The following VPS13C variants were observed in gnomAD, a reference collection of about 807,000 sequenced individuals.
VPS13C encodes the protein intermembrane lipid transfer protein VPS13C.
In VPS13C, 358 loss-of-function variants were observed where a neutral mutation model predicts 456.8. The observed-to-expected ratio is 0.78, with a 90% CI of 0.72 to 0.86. The LOEUF is 0.86. VPS13C is among the 40% of genes least tolerant of loss of function. The pLI, the probability that VPS13C is intolerant of heterozygous loss-of-function variation, is 0.00. For missense variants in VPS13C, 4,818 were observed against 4,385.4 expected, an observed-to-expected ratio of 1.10 and a Z score of -2.79; for synonymous variants, 1,578 against 1,486.7, an observed-to-expected ratio of 1.06 and a Z score of -1.41.
intron 51 of VPS13C, among the ~76,000 whole-genome samples, 200 bp from the exon 52 acceptor site, chr15:61,927,520 A>C (rs925725466): frequency 4.6e-5 from 7 of 152,200 alleles, no homozygotes; most frequent in Non-Finnish European, 8.8e-5. Context: ...AGGCAATCTG[A>C]TCCCTGTCCC....
At position 61,907,212 on chromosome 15, in the gene VPS13C, C is replaced by T. The variant is rs147291375; in HGVS notation, c.9105+52G>A. ...GGAGTCAGTGAAGATAGCTTCTCTA[C>T]TTCCTTCACTGTCAGGTAACTCATA... On this transcript the variant is annotated intron_variant, in intron 66 of 84. Coordinates refer to ENST00000644861, the MANE Select transcript of VPS13C (RefSeq NM_020821.3). The T allele has an allele frequency of 4.6e-3, 7,332 of 1,610,948 alleles. 496 individuals are homozygous for T. The Admixed American group carries it at 0.1, about 22-fold the overall frequency.
rs549214176 is a variant in VPS13C at position 62,049,569 on chromosome 15, T to C, written c.101-5314A>G. Reference sequence around the variant, plus strand: ...CCGGCTTTGTTCTTTTGGCTTAGGATTGACTTGGCAACATGGGCTCTTTTT... The same window carrying C: ...CCGGCTTTGTTCTTTTGGCTTAGGACTGACTTGGCAACATGGGCTCTTTTT... On this transcript the variant is annotated intron_variant, in intron 1 of 84. Transcript: ENST00000644861. Among the ~76,000 whole-genome samples, 10 of 152,372 alleles carry C rather than the reference T, an allele frequency of 6.6e-5. No homozygotes were observed. In the South Asian group the frequency reaches 1.4e-3, roughly 22 times the overall value.
At chr15:61,973,801 A>G (rs1390631195) in intron 25 of VPS13C, among the ~76,000 whole-genome samples, 1 of 152,156 alleles carries the variant, frequency 6.6e-6, no homozygotes, top group African/African-American at 2.4e-5. Flanking sequence ...TTATTACTGT[A>G]TATCATTTAC....
Position 61,890,178 on chromosome 15 carries a change from T to C in VPS13C, c.9328A>G (p.Ile3110Val), listed in dbSNP as rs776084040. The stretch of plus-strand genomic sequence containing the variant: ...CTTCTTGCATACCTGGTTATCCCAA[T>C]ATAGGAAACTTCCTGCTTGCTTTCA... ...NNESKQEVSYIGITSSGVVWE... is the reference protein window; with the variant it reads ...NNESKQEVSYVGITSSGVVWE... The change falls in exon 67 of 85, where the codon ATT becomes GTT. Residue 3110 changes from isoleucine (I) to valine (V), a missense_variant. By Grantham distance (29) the Ile-to-Val change is conservative. Coordinates refer to ENST00000644861, the MANE Select transcript of VPS13C (RefSeq NM_020821.3). The C allele has an allele frequency of 6.2e-7, 1 of 1,614,024 alleles. No individual in the cohort carries two copies. Among genetic ancestry groups the C allele is most frequent in the East Asian group, 2.2e-5 (1 of 44,882 alleles).
chr15:61,907,120 C>T, intron 66 of VPS13C, 144 bp downstream of exon 66: 2 of 1,142,702 alleles, frequency 1.8e-6, no homozygotes, highest in East Asian at 2.4e-5. Context: ...CAGTATTTGC[C>T]ATCTAAAGTC....
rs141468515 is a variant in VPS13C, at chr15:61,983,831, T to C, written c.1903A>G (p.Ile635Val). The change falls in exon 20 of 85, where the codon ATC becomes GTC. Residue 635 changes from isoleucine to valine, a missense_variant. Ile to Val is a conservative substitution (Grantham distance 29, BLOSUM62 3). This residue lies in a region of VPS13C where 4,552 missense variants were observed against 4,130.6 expected (regional missense o/e 1.10). Coordinates refer to ENST00000644861, the MANE Select transcript of VPS13C (RefSeq NM_020821.3). ...CTCCTTGCACTTACAGCATCATAGA[T>C]GACCTCCACAGGCTGGGACTGAACA... is the stretch of plus-strand genomic sequence containing the variant. Reference protein sequence around the residue: ...LIVQSQPVEVIYDAKTVNAVV... With the variant: ...LIVQSQPVEVVYDAKTVNAVV... 6.8e-6 allele frequency: 11 copies of C among 1,613,892 alleles called. No homozygotes were observed. Among genetic ancestry groups the C allele is most frequent in the East Asian group, 4.5e-5 (2 of 44,848 alleles).
chr15:61,953,688 G>A (rs188869297), intron 38 of VPS13C, among the ~76,000 whole-genome samples: 83 of 152,016 alleles, frequency 5.5e-4, no homozygotes, highest in Non-Finnish European at 9.7e-4. Context: ...GAATAGTGCC[G>A]CAATAAACAT....
At chr15:61,907,412 G>A (rs749865663) in intron 65 of VPS13C, 22 bp from the exon 66 acceptor site, 5 of 1,611,194 alleles carry the variant, frequency 3.1e-6, no homozygotes, top group South Asian at 2.2e-5. Flanking sequence ...TGAACAGAGA[G>A]AAAATCAGAA....
At position 61,881,630 on chromosome 15, in the gene VPS13C, G is replaced by C. The variant is rs777079684; in HGVS notation, c.9709C>G (p.Pro3237Ala). The C allele has an allele frequency of 6.2e-7, 1 of 1,612,444 alleles. No homozygotes were observed. The highest frequency in any genetic ancestry group is 8.5e-7 in the Non-Finnish European group (1 of 1,179,208). The change falls in exon 71 of 85, where the codon CCC becomes GCC. Residue 3237 changes from proline to alanine, a missense_variant and splice_region_variant. This residue lies in a region of VPS13C where 4,552 missense variants were observed against 4,130.6 expected (regional missense o/e 1.10). Coordinates refer to ENST00000644861, the MANE Select transcript of VPS13C (RefSeq NM_020821.3). Reference sequence around the variant, plus strand: ...ACACTCACATCAATGAAAGGCTTGGGCTCTAAGAGGAAGAAGTAACACATA... The same window carrying C: ...ACACTCACATCAATGAAAGGCTTGGCCTCTAAGAGGAAGAAGTAACACATA... Reference protein sequence around the residue: ...PPKSIALDSEPKPFIDVSVIT... With the variant: ...PPKSIALDSEAKPFIDVSVIT...
At position 62,013,058 on chromosome 15, in the gene VPS13C, C is replaced by A. The variant is rs999078882; in HGVS notation, c.806G>T (p.Arg269Ile). The change falls in exon 11 of 85, where the codon AGA becomes ATA. Residue 269 changes from arginine (R) to isoleucine (I), a missense_variant. Coordinates refer to ENST00000644861, the MANE Select transcript of VPS13C (RefSeq NM_020821.3). Reference protein sequence around the residue: ...WNVNCSMSYQRSREQILDQLK... With the variant: ...WNVNCSMSYQISREQILDQLK... ...TATTACCAAAATCTGTTCCCTTGAT[C>A]TCTGGTAAGACATGCTGCAATTTAC... 6.2e-7 allele frequency: 1 copy of A among 1,610,084 alleles called. No individual in the cohort carries two copies. Among genetic ancestry groups the A allele is most frequent in the Non-Finnish European group, 8.5e-7 (1 of 1,177,978 alleles).
intron 15 of VPS13C, among the ~76,000 whole-genome samples, chr15:62,004,022 ATGC>A (rs199540435): frequency 0.026 from 3,911 of 151,242 alleles, 107 homozygotes; most frequent in South Asian, 0.07. Flanking sequence ...TATCAGGATG[ATGC>A]TGGACTCATA....
intron 67 of VPS13C, among the ~76,000 whole-genome samples, chr15:61,889,290 T>C (rs1321717721): frequency 6.6e-6 from 1 of 152,032 alleles, no homozygotes; most frequent in Non-Finnish European, 1.5e-5. Flanking sequence ...TACTCAAATA[T>C]ATAACAAAGA....
chr15:62,012,206 A>G, intron 11 of VPS13C, 42 bp from the exon 12 acceptor site: 1 of 1,077,644 alleles, frequency 9.3e-7, no homozygotes, highest in Non-Finnish European at 1.4e-6. Flanking sequence ...GAAAATGCAC[A>G]CATATTCAGA....
At chr15:61,943,769 C>T (rs1466151262) in intron 45 of VPS13C, among the ~76,000 whole-genome samples, 2 of 151,758 alleles carry the variant, frequency 1.3e-5, no homozygotes, top group Non-Finnish European at 2.9e-5. Flanking sequence ...GCAACTGCAA[C>T]AAAAATAAAA....
At position 61,989,930 on chromosome 15, in the gene VPS13C, C is replaced by A. The variant is rs185010286; in HGVS notation, c.1578+1070G>T. The stretch of plus-strand genomic sequence containing the variant: ...CCTCAGTAAACGTTATCTTACACAT[C>A]CACACTAAAAGACACAAGTTCAGAG... On this transcript the variant is annotated intron_variant, in intron 18 of 84. Coordinates refer to ENST00000644861, the MANE Select transcript of VPS13C (RefSeq NM_020821.3). 2.0e-3 allele frequency among the ~76,000 whole-genome samples: 304 copies of A among 152,248 alleles called. 1 individual carries two copies. Among genetic ancestry groups the A allele is most frequent in the African/African-American group, 6.9e-3 (286 of 41,542 alleles).
intron 4 of VPS13C, among the ~76,000 whole-genome samples, chr15:62,034,139 T>C (rs1230601804): frequency 6.6e-6 from 1 of 151,646 alleles, no homozygotes; most frequent in Non-Finnish European, 1.5e-5. Context: ...GTATTGACTA[T>C]AAAGCTAAAA....
chr15:61,971,630 T>C (rs1367919196), intron 27 of VPS13C, among the ~76,000 whole-genome samples: 1 of 152,156 alleles, frequency 6.6e-6, no homozygotes, highest in Admixed American at 6.5e-5. Flanking sequence ...CAAAGACAGT[T>C]AAGAGGCTAT....
At chr15:62,000,719 A>T in intron 15 of VPS13C, 93 bp from the exon 16 acceptor site, 1 of 947,002 alleles carries the variant, frequency 1.1e-6, no homozygotes, top group Non-Finnish European at 1.6e-6. Flanking sequence ...CTAGTCCATT[A>T]TCAGTACCTG....
At chr15:62,002,981 C>T (rs369328250) in intron 15 of VPS13C, among the ~76,000 whole-genome samples, 21 of 152,180 alleles carry the variant, frequency 1.4e-4, no homozygotes, top group African/African-American at 3.4e-4. Flanking sequence ...TCTTTTGGCT[C>T]AGGATTGACT....
Sources: gnomAD v4.1 joint callset for allele counts (sites outside exome capture counted in the v4.1 genomes callset) on GRCh38, gnomAD v4.1.1 for gene constraint, gnomAD v4.1.1 regional missense constraint, MANE v1.5 for transcripts, NCBI Gene and HGNC (gene_info 2026-07-23, HGNC 2026-07-21) for gene names.